The following ANKRD27 variants were observed in gnomAD, a reference collection of about 807,000 sequenced individuals.
The protein encoded by ANKRD27 is ankyrin repeat domain-containing protein 27.
In ANKRD27, 112 loss-of-function variants were observed where a neutral mutation model predicts 129.7. That is an observed-to-expected ratio of 0.86 (90% CI 0.74 to 1.01). ANKRD27 has a LOEUF of 1.01. Among genes scored for constraint, ANKRD27 ranks in the 50% least tolerant of loss-of-function variants. The probability of loss-of-function intolerance (pLI) is 0.00; values close to 1 mark genes in which losing one functional copy is unlikely to be tolerated. For missense variants in ANKRD27, 1,258 were observed against 1,300.5 expected (o/e 0.97, Z 0.50); for synonymous variants, 516 against 511.2 (o/e 1.01, Z -0.13).
At chr19:32,646,637 C>T in intron 3 of ANKRD27, 22 bp from the exon 4 acceptor site, 1 of 1,607,980 alleles carries the variant, frequency 6.2e-7, no homozygotes, top group South Asian at 1.1e-5. Flanking sequence ...AAAGCCATCA[C>T]TGCACCAGCA....
Position 32,643,442 on chromosome 19 carries a change from G to T in ANKRD27, c.628C>A (p.Gln210Lys). 1 of 1,613,826 alleles carries T rather than the reference G, an allele frequency of 6.2e-7. No homozygotes were observed. Among genetic ancestry groups the T allele is most frequent in the Non-Finnish European group, 8.5e-7 (1 of 1,180,002 alleles). The stretch of plus-strand genomic sequence containing the variant: ...CGCCCCACCCTCACCTCCACTGCCT[G>T]CTTCATCAGGTTCATCTGGGCCTCC... Reference protein sequence around the residue: ...KQEAQMNLMKQAVEIYVHHEI... With the variant: ...KQEAQMNLMKKAVEIYVHHEI... Residue 210 changes from glutamine (Q) to lysine (K), a missense_variant, in exon 7 of 29, where the codon CAG becomes AAG. Gln to Lys is a moderately conservative substitution (Grantham distance 53). Transcript: ENST00000306065.
intron 13 of ANKRD27, among the ~76,000 whole-genome samples, chr19:32,629,173 G>A (rs1468425983): frequency 1.3e-5 from 2 of 152,040 alleles, no homozygotes; most frequent in South Asian, 2.1e-4. Context: ...CACCCATCTC[G>A]GCCTCCCGAA....
intron 1 of ANKRD27, among the ~76,000 whole-genome samples, chr19:32,668,644 T>C (rs1156377503): frequency 3.3e-5 from 5 of 151,738 alleles, no homozygotes; most frequent in Non-Finnish European, 7.4e-5. Flanking sequence ...AGCTAATTTT[T>C]TTTTTATTCT....
chr19:32,661,252 T>C (rs76802905), intron 1 of ANKRD27, among the ~76,000 whole-genome samples: 6 of 140,102 alleles, frequency 4.3e-5, no homozygotes, highest in East Asian at 2.5e-4. Context: ...CACACACACA[T>C]ATACTCACAC....
At chr19:32,622,685 C>T in intron 17 of ANKRD27, 66 bp from the exon 18 acceptor site, 1 of 1,482,680 alleles carries the variant, frequency 6.7e-7, no homozygotes, top group African/African-American at 1.4e-5. Context: ...TCCGTGCTCT[C>T]CTCGACCTCC....
intron 26 of ANKRD27, among the ~76,000 whole-genome samples, chr19:32,601,160 A>G (rs900994182): frequency 2.0e-5 from 3 of 151,802 alleles, no homozygotes; most frequent in Non-Finnish European, 2.9e-5. Flanking sequence ...TTAGCCAGGC[A>G]TGGTGGCACG....
At position 32,602,063 on chromosome 19, in the gene ANKRD27, C is replaced by G. The variant is rs764973049; in HGVS notation, c.2719G>C (p.Ala907Pro). The G allele has an allele frequency of 6.2e-7, 1 of 1,614,056 alleles. No homozygotes were observed. Among genetic ancestry groups the G allele is most frequent in the Non-Finnish European group, 8.5e-7 (1 of 1,179,984 alleles). Residue 907 changes from alanine to proline, a missense_variant, in exon 26 of 29, where the codon GCT becomes CCT. Transcript: ENST00000306065. ...PSCVASLDDV[A>P]ETDRKEYVTV... ...ACATACTCCTTGCGGTCAGTTTCAG[C>G]CACATCATCTAATGAAGCAACACAG...
chr19:32,614,328 G>A (rs951730206), intron 22 of ANKRD27, among the ~76,000 whole-genome samples: 2 of 152,152 alleles, frequency 1.3e-5, no homozygotes, highest in African/African-American at 4.8e-5. Context: ...ATGGCGGGGT[G>A]GGTTTCAATT....
chr19:32,664,055 CAA>C (rs869264224), intron 1 of ANKRD27, among the ~76,000 whole-genome samples: 2 of 31,426 alleles, frequency 6.4e-5, no homozygotes, highest in Non-Finnish European at 7.2e-5. Flanking sequence ...GACTCTGTCT[CAA>C]AAAAAAAAAA....
chr19:32,606,046 T>C, intron 23 of ANKRD27, 92 bp from the exon 24 acceptor site: 1 of 1,182,244 alleles, frequency 8.5e-7, no homozygotes, highest in Non-Finnish European at 1.1e-6. Context: ...AATAAATAAA[T>C]AAAATAAGAA....
At chr19:32,613,545 T>C (rs909776836) in intron 22 of ANKRD27, among the ~76,000 whole-genome samples, 2 of 152,162 alleles carry the variant, frequency 1.3e-5, no homozygotes, top group Non-Finnish European at 2.9e-5. Flanking sequence ...ACAAACTACA[T>C]GTCCTTGGAC....
chr19:32,626,045 G>GCAAATGACCTCCCCCT, intron 16 of ANKRD27, 79 bp from the exon 17 acceptor site: 3 of 1,140,440 alleles, frequency 2.6e-6, no homozygotes, highest in Non-Finnish European at 3.6e-6. Flanking sequence ...AGCAGGGGGA[G>GCAAATGACCTCCCCCT]GTCATTTGCT....
rs746286936 is a variant in ANKRD27, at chr19:32,607,727, G to T, written c.2281C>A (p.Pro761Thr). ...AALHGRADLI[P>T]LLLKHGANAG... ...TTGGCCCCGTGCTTCAGCAGGAGGG[G>T]GATGAGGTCCGCCCGGCCGTGCAGG... Residue 761 changes from proline (P) to threonine (T), a missense_variant, in exon 23 of 29, where the codon CCC (proline) becomes ACC (threonine). Coordinates refer to ENST00000306065, the MANE Select transcript of ANKRD27 (RefSeq NM_032139.3). The T allele has an allele frequency of 6.2e-7, 1 of 1,612,922 alleles. No individual in the cohort carries two copies. The highest frequency in any genetic ancestry group is 8.5e-7 in the Non-Finnish European group (1 of 1,179,660).
chr19:32,617,036 G>A (rs1215854299), intron 21 of ANKRD27, among the ~76,000 whole-genome samples: 2 of 152,160 alleles, frequency 1.3e-5, no homozygotes, highest in Non-Finnish European at 2.9e-5. Flanking sequence ...CCTGGAGTAT[G>A]GACATCTGAA....
chr19:32,650,508 G>A (rs1274800161), intron 2 of ANKRD27, among the ~76,000 whole-genome samples: 2 of 152,086 alleles, frequency 1.3e-5, no homozygotes, highest in Non-Finnish European at 2.9e-5. Flanking sequence ...TCAACATGGT[G>A]AAACTCTGTC....
chr19:32,604,987 G>A (rs1050594460), intron 24 of ANKRD27, among the ~76,000 whole-genome samples: 6 of 152,044 alleles, frequency 3.9e-5, no homozygotes, highest in Non-Finnish European at 5.9e-5. Flanking sequence ...CAGGAGAATC[G>A]CTTGAACCCC....
chr19:32,606,026 AAAATAAATAAAT>A, intron 23 of ANKRD27, 72 bp from the exon 24 acceptor site: 1 of 1,250,670 alleles, frequency 8.0e-7, no homozygotes, highest in Non-Finnish European at 1.1e-6. Context: ...AAAATTATGA[AAAATAAATAAAT>A]AAATAAATAA....
chr19:32,659,275 T>G (rs1000486858), intron 1 of ANKRD27, among the ~76,000 whole-genome samples: 1 of 152,002 alleles, frequency 6.6e-6, no homozygotes, highest in Admixed American at 6.6e-5. Context: ...AAGACAGGGT[T>G]TTGCCATGTT....
At chr19:32,640,484 T>C in intron 10 of ANKRD27, 99 bp from the exon 11 acceptor site, 1 of 940,664 alleles carries the variant, frequency 1.1e-6, no homozygotes, top group Non-Finnish European at 1.7e-6. Flanking sequence ...AAACCACGTA[T>C]CAGGGAGATC....
Sources: allele counts gnomAD v4.1 joint callset (sites outside exome capture counted in the v4.1 genomes callset), GRCh38; gene constraint gnomAD v4.1.1; transcripts MANE v1.5; gene names NCBI Gene and HGNC (gene_info 2026-07-23, HGNC 2026-07-21).